Variants in PCSK5 observed in about 807,000 individuals in gnomAD.
The protein encoded by PCSK5 is proprotein convertase subtilisin/kexin type 5, also known as prohormone convertase 5.
In PCSK5, 129 loss-of-function variants were observed where a neutral mutation model predicts 233.2. The ratio of observed to expected loss-of-function variants is 0.55; its 90% CI spans 0.48 to 0.64. The LOEUF (loss-of-function observed/expected upper bound fraction) is 0.64, where lower values mean the gene tolerates loss of function less well. PCSK5 is among the 30% of genes least tolerant of loss of function. PCSK5 has a pLI of 0.00. For missense variants in PCSK5, 2,076 were observed against 2,430.1 expected (o/e 0.85, Z 3.06); for synonymous variants, 825 against 879.2 (o/e 0.94, Z 1.09).
At chr9:76,128,676 A>T (rs1822623297) in intron 9 of PCSK5, among the ~76,000 whole-genome samples, 1 of 152,156 alleles carries the variant, frequency 6.6e-6, no homozygotes, top group Non-Finnish European at 1.5e-5. Context: ...ATCCAAATTT[A>T]CCTTTGGTTT....
intron 6 of PCSK5, among the ~76,000 whole-genome samples, chr9:76,069,888 G>T (rs1830422265): frequency 6.8e-6 from 1 of 146,210 alleles, no homozygotes. Context: ...GACAAATTTT[G>T]AATATTTAAA....
intron 28 of PCSK5, among the ~76,000 whole-genome samples, chr9:76,303,890 G>A (rs1292279194): frequency 2.0e-5 from 3 of 152,154 alleles, no homozygotes; most frequent in East Asian, 1.9e-4. Flanking sequence ...AAAACCAGGG[G>A]GCTGGCTGCA....
At chr9:76,249,353 T>C (rs1826726343) in intron 24 of PCSK5, among the ~76,000 whole-genome samples, 1 of 152,044 alleles carries the variant, frequency 6.6e-6, no homozygotes, top group Admixed American at 6.6e-5. Context: ...GAATGTGGGG[T>C]ATCTATAAGA....
At chr9:75,933,470 G>A (rs1050019942) in intron 2 of PCSK5, among the ~76,000 whole-genome samples, 7 of 152,118 alleles carry the variant, frequency 4.6e-5, no homozygotes, top group African/African-American at 7.2e-5. Flanking sequence ...CTACCAGTGC[G>A]CATAGCAATC....
intron 24 of PCSK5, among the ~76,000 whole-genome samples, chr9:76,280,753 A>G (rs1388515642): frequency 6.6e-6 from 1 of 151,934 alleles, no homozygotes; most frequent in African/African-American, 2.4e-5. Flanking sequence ...CAATAACCAA[A>G]CAAAAAGATA....
intron 37 of PCSK5, 92 bp from the exon 38 acceptor site, chr9:76,358,421 G>A: frequency 1.1e-6 from 1 of 919,560 alleles, no homozygotes; most frequent in South Asian, 1.8e-5. Context: ...TAAAATAAAG[G>A]TGAAATTCTT....
chr9:75,964,891 G>A (rs1289025301), intron 2 of PCSK5, among the ~76,000 whole-genome samples: 2 of 152,154 alleles, frequency 1.3e-5, no homozygotes, highest in South Asian at 4.1e-4. Context: ...TGCCAATGGC[G>A]GGGGTGGGGG....
chr9:76,173,495 C>CTT (rs1587715951), intron 13 of PCSK5, among the ~76,000 whole-genome samples: 11 of 34,604 alleles, frequency 3.2e-4, no homozygotes, highest in East Asian at 2.7e-3. Flanking sequence ...AGGCACGTTT[C>CTT]CTTTTTTTTT....
chr9:76,055,411 TA>T, intron 5 of PCSK5, among the ~76,000 whole-genome samples: 1 of 152,296 alleles, frequency 6.6e-6, no homozygotes, highest in Admixed American at 6.5e-5. Context: ...CTTAAATTTT[TA>T]AATTTTTTTT....
intron 1 of PCSK5, among the ~76,000 whole-genome samples, chr9:75,922,666 GA>G (rs1302403844): frequency 6.6e-6 from 1 of 152,160 alleles, no homozygotes; most frequent in Non-Finnish European, 1.5e-5. Flanking sequence ...TAGCCAATTG[GA>G]AGGAAGGATT....
At chr9:75,963,662 C>T (rs958964307) in intron 2 of PCSK5, among the ~76,000 whole-genome samples, 4 of 152,172 alleles carry the variant, frequency 2.6e-5, no homozygotes, top group Admixed American at 6.5e-5. Context: ...GGGCGGATCA[C>T]GAGGTTAGGA....
At chr9:75,954,097 C>T (rs907921847) in intron 2 of PCSK5, among the ~76,000 whole-genome samples, 11 of 152,240 alleles carry the variant, frequency 7.2e-5, no homozygotes, top group African/African-American at 2.6e-4. Flanking sequence ...TAATCTGTAA[C>T]GATGTGGCTA....
At chr9:76,193,241 G>T (rs775968230) in intron 20 of PCSK5, 3 of 1,612,670 alleles carry the variant, frequency 1.9e-6, no homozygotes, top group South Asian at 1.1e-5. Context: ...GAAAAGCAAC[G>T]GAAGAGTCCT....
At chr9:76,344,669 C>G (rs1373852427) in intron 35 of PCSK5, among the ~76,000 whole-genome samples, 2 of 152,106 alleles carry the variant, frequency 1.3e-5, no homozygotes, top group East Asian at 3.9e-4. Context: ...AAAAGTTGAA[C>G]TTACCTCTGT....
chr9:76,252,244 T>A (rs1050846214), intron 24 of PCSK5, among the ~76,000 whole-genome samples: 2 of 152,160 alleles, frequency 1.3e-5, no homozygotes. Context: ...CACTCCAGCC[T>A]GTGTGACAGA....
chr9:76,214,281 T>A (rs1035885742), intron 20 of PCSK5, among the ~76,000 whole-genome samples: 1 of 145,226 alleles, frequency 6.9e-6, no homozygotes, highest in African/African-American at 2.5e-5. Flanking sequence ...TTTGACTTTT[T>A]CCCCACATTC....
intron 22 of PCSK5, among the ~76,000 whole-genome samples, chr9:76,237,804 C>T (rs901073286): frequency 6.6e-6 from 1 of 152,054 alleles, no homozygotes; most frequent in African/African-American, 2.4e-5. Flanking sequence ...TCAACTATGG[C>T]TTTGAATAAA....
In PCSK5 at chr9:76,244,848, CT is replaced by C. The variant is rs140407507; in HGVS notation, c.3142+4166del. ...TTTTAAATTATGAGATTCGATTTCT[CT>C]TCTTTGTCAAGTTGTAAACAAATAG... On this transcript the variant is annotated intron_variant, in intron 24 of 37. Coordinates refer to ENST00000674117, the MANE Select transcript of PCSK5 (RefSeq NM_001372043.1). Among the ~76,000 whole-genome samples the C allele has an allele frequency of 5.8e-3, 878 of 152,218 alleles. 6 individuals are homozygous for C. The highest frequency in any genetic ancestry group is 0.02 in the African/African-American group (845 of 41,548).
intron 37 of PCSK5, among the ~76,000 whole-genome samples, chr9:76,357,724 A>T (rs919592607): frequency 1.3e-5 from 2 of 152,110 alleles, no homozygotes; most frequent in African/African-American, 2.4e-5. Flanking sequence ...TTGCTCCACA[A>T]ATAAGGTCTT....
Sources: gnomAD v4.1 joint callset for allele counts (sites outside exome capture counted in the v4.1 genomes callset) on GRCh38, gnomAD v4.1.1 for gene constraint, MANE v1.5 for transcripts, NCBI Gene and HGNC (gene_info 2026-07-23, HGNC 2026-07-21) for gene names.